FAM185A: variants seen among roughly 807,000 people sequenced by gnomAD.
The protein encoded by FAM185A is family with sequence similarity 185 member A.
In FAM185A, 21 loss-of-function variants were observed where a neutral mutation model predicts 45.7. The ratio of observed to expected loss-of-function variants is 0.46; its 90% CI spans 0.33 to 0.66. The LOEUF is 0.66. Ranked by LOEUF, FAM185A falls within the 30% of genes least tolerant of loss-of-function variation. The probability of loss-of-function intolerance (pLI) is 0.03; values close to 1 mark genes in which losing one functional copy is unlikely to be tolerated. For missense variants in FAM185A, 305 were observed against 485.4 expected (o/e 0.63, Z 3.49); for synonymous variants, 117 against 194.0 (o/e 0.60, Z 3.30).
At chr7:102,806,821 G>A (rs1230293019) in intron 7 of FAM185A, among the ~76,000 whole-genome samples, 1 of 152,188 alleles carries the variant, frequency 6.6e-6, no homozygotes, top group Admixed American at 6.5e-5. Flanking sequence ...GCAGGGAGAG[G>A]TCGCACAGGC....
At chr7:102,841,262 T>A in the FAM185A span, among the ~76,000 whole-genome samples, 50 of 151,962 alleles carry the variant, frequency 3.3e-4, no homozygotes, top group Middle Eastern at 3.4e-3. Context: ...TTTTTTTTTT[T>A]AACTTTTGGC....
the FAM185A span, among the ~76,000 whole-genome samples, chr7:102,826,728 T>TC: frequency 6.0e-4 from 13 of 21,694 alleles, no homozygotes; most frequent in African/African-American, 4.0e-3. Context: ...CTGTCTCATA[T>TC]ATATATATAT....
chr7:102,797,106 T>C (rs973647196), intron 7 of FAM185A, among the ~76,000 whole-genome samples: 2 of 152,232 alleles, frequency 1.3e-5, no homozygotes, highest in African/African-American at 4.8e-5. Flanking sequence ...TTTTTTTATC[T>C]GGAAGATTTC....
intron 7 of FAM185A, among the ~76,000 whole-genome samples, chr7:102,791,637 A>G (rs1448981925): frequency 2.6e-5 from 4 of 152,216 alleles, no homozygotes; most frequent in African/African-American, 9.7e-5. Flanking sequence ...ATCGTTTTGC[A>G]GAGTAGCACA....
At chr7:102,752,530 A>G (rs1004385440) in intron 2 of FAM185A, among the ~76,000 whole-genome samples, 2 of 151,966 alleles carry the variant, frequency 1.3e-5, no homozygotes, top group African/African-American at 2.4e-5. Flanking sequence ...TTGGCCTCCC[A>G]AAGTGCTAGG....
At chr7:102,783,718 A>G (rs1795570236) in intron 6 of FAM185A, among the ~76,000 whole-genome samples, 1 of 152,178 alleles carries the variant, frequency 6.6e-6, no homozygotes, top group Non-Finnish European at 1.5e-5. Context: ...CTAAATGCCC[A>G]CAAGAGAAAG....
chr7:102,786,841 A>AAG (rs57986331), intron 6 of FAM185A, among the ~76,000 whole-genome samples: 27,341 of 151,172 alleles, frequency 0.18, 2,884 homozygotes, highest in East Asian at 0.53. Context: ...AAAAAAAAAA[A>AAG]CATGGGCTTT....
chr7:102,835,662 T>C, the FAM185A span, among the ~76,000 whole-genome samples: 1 of 108,282 alleles, frequency 9.2e-6, no homozygotes, highest in Non-Finnish European at 1.6e-5. Context: ...CAGGCTGGAG[T>C]GCAGTGGCGC....
chr7:102,831,692 AT>A, the FAM185A span, among the ~76,000 whole-genome samples: 74 of 151,694 alleles, frequency 4.9e-4, 1 homozygote, highest in African/African-American at 1.1e-3. Context: ...TGTAAATCAG[AT>A]TTTTTTTTCC....
the FAM185A span, among the ~76,000 whole-genome samples, chr7:102,817,401 G>A: frequency 6.6e-6 from 1 of 152,104 alleles, no homozygotes; most frequent in Non-Finnish European, 1.5e-5. Flanking sequence ...CCACTTGTAT[G>A]TCTTCTTTTG....
At chr7:102,844,341 A>T in the FAM185A span, among the ~76,000 whole-genome samples, 1 of 152,216 alleles carries the variant, frequency 6.6e-6, no homozygotes, top group Non-Finnish European at 1.5e-5. Flanking sequence ...AGAGAAAAGA[A>T]ATAAAACTGC....
chr7:102,771,726 G>T (rs1794754156), intron 4 of FAM185A, among the ~76,000 whole-genome samples: 1 of 152,138 alleles, frequency 6.6e-6, no homozygotes, highest in Admixed American at 6.6e-5. Flanking sequence ...CCTGATTCTA[G>T]GAATACTTAC....
At chr7:102,763,042 G>A (rs1448274385) in intron 4 of FAM185A, among the ~76,000 whole-genome samples, 1 of 140,208 alleles carries the variant, frequency 7.1e-6, no homozygotes, top group Non-Finnish European at 1.5e-5. Flanking sequence ...ACATCCACAG[G>A]AAAAGCAGTC....
At chr7:102,845,540 A>G in the FAM185A span, among the ~76,000 whole-genome samples, 1 of 152,198 alleles carries the variant, frequency 6.6e-6, no homozygotes, top group African/African-American at 2.4e-5. Flanking sequence ...GACACCACCA[A>G]CATTCCTGGC....
the FAM185A span, among the ~76,000 whole-genome samples, chr7:102,829,564 G>A: frequency 1.3e-5 from 2 of 152,196 alleles, no homozygotes; most frequent in Non-Finnish European, 2.9e-5. Flanking sequence ...AAGTGACAGT[G>A]TTAACCACAG....
At chr7:102,784,259 G>A (rs1348856444) in intron 6 of FAM185A, among the ~76,000 whole-genome samples, 5 of 151,562 alleles carry the variant, frequency 3.3e-5, no homozygotes, top group Admixed American at 2.0e-4. Context: ...AGAGGTACAA[G>A]GAGGAGCTGG....
At chr7:102,793,339 G>A (rs1486445309) in intron 7 of FAM185A, among the ~76,000 whole-genome samples, 3 of 152,094 alleles carry the variant, frequency 2.0e-5, no homozygotes, top group Non-Finnish European at 4.4e-5. Context: ...AGCCTCCTGA[G>A]TAGCTGGGAC....
intron 7 of FAM185A, among the ~76,000 whole-genome samples, chr7:102,789,889 G>A (rs1024394047): frequency 6.6e-6 from 1 of 152,058 alleles, no homozygotes; most frequent in African/African-American, 2.4e-5. Context: ...TAAAAACGAA[G>A]ACACAAACAC....
chr7:102,801,453 G>A (rs900149920), intron 7 of FAM185A, among the ~76,000 whole-genome samples: 1 of 152,106 alleles, frequency 6.6e-6, no homozygotes, highest in Non-Finnish European at 1.5e-5. Flanking sequence ...CTGCAGAATG[G>A]ATAAGAATTC....
Sources: allele counts gnomAD v4.1 joint callset (sites outside exome capture counted in the v4.1 genomes callset), GRCh38; gene constraint gnomAD v4.1.1; transcripts MANE v1.5; gene names NCBI Gene and HGNC (gene_info 2026-07-23, HGNC 2026-07-21).